RARA: variants seen among roughly 807,000 people sequenced by gnomAD.
RARA encodes PML-DDX5-RARA fusion.
In RARA, 5 loss-of-function variants were observed where a neutral mutation model predicts 42.8. The observed-to-expected ratio is 0.12, with a 90% CI of 0.06 to 0.25. The LOEUF is 0.25. Ranked by LOEUF, RARA falls within the 10% of genes least tolerant of loss-of-function variation. RARA has a pLI of 1.00. For synonymous variants in RARA, 256 were observed against 259.5 expected (o/e 0.99, Z 0.13); for missense variants, 402 against 628.7 (o/e 0.64, Z 3.86).
In RARA at chr17:40,355,441, AG is replaced by A. The variant is rs1359273114; in HGVS notation, c.1171+24del. Reference sequence around the variant, plus strand: ...CCAAGGGTGAGGCTCACAGACCTGGAGGGGTACCGGCCCCCGACACCTGGCC... The same window carrying A: ...CCAAGGGTGAGGCTCACAGACCTGGAGGGTACCGGCCCCCGACACCTGGCC... On this transcript the variant is annotated intron_variant, in intron 8 of 8. Transcript: ENST00000254066. This position sits in a 1 kb window ranked among gnomAD's most constrained non-coding sequence, Gnocchi z 4.1. The A allele has an allele frequency of 1.2e-6, 2 of 1,602,984 alleles. No individual in the cohort carries two copies. Among genetic ancestry groups the A allele is most frequent in the African/African-American group, 2.7e-5 (2 of 74,822 alleles).
In RARA at chr17:40,352,058, C is replaced by T; in HGVS notation, c.618C>T (p.Gly206=). ...QETFPALCQL[G]KYTTNNSSEQ... is the part of the protein sequence containing the mutation. The stretch of plus-strand genomic sequence containing the variant: ...CCTTCCCTGCCCTCTGCCAGCTGGG[C>T]AAATACACTACGGTATGGCTTTCCC... Residue 206 remains glycine (G), a synonymous_variant, in exon 5 of 9, where the codon GGC becomes GGT. Coordinates refer to ENST00000254066, the MANE Select transcript of RARA (RefSeq NM_000964.4). The surrounding 1 kb of genome is among the most constrained non-coding windows in gnomAD (Gnocchi z 4.9). 1.3e-6 allele frequency: 2 copies of T among 1,576,376 alleles called. No homozygotes were observed. Among genetic ancestry groups the T allele is most frequent in the East Asian group, 2.3e-5 (1 of 44,124 alleles).
rs1415948330 is a variant in RARA, at chr17:40,351,020, GCTCTGTGCCC to G, written c.470-888_470-879del. Among the ~76,000 whole-genome samples, 1 of 151,510 alleles carries G rather than the reference GCTCTGTGCCC, an allele frequency of 6.6e-6. No homozygotes were observed. Among genetic ancestry groups the G allele is most frequent in the Non-Finnish European group, 1.5e-5 (1 of 67,886 alleles). ...ACCGCCAACTCCCCCTCTCCCGGCT[GCTCTGTGCCC>G]CGGAGCTGAGCAGCTGCCATTTCAA... On this transcript the variant is annotated intron_variant, in intron 4 of 8. Transcript: ENST00000254066. The surrounding 1 kb of genome is among the most constrained non-coding windows in gnomAD (Gnocchi z 4.1).
chr17:40,338,279 T>C (rs1448558112), intron 2 of RARA, among the ~76,000 whole-genome samples: 1 of 152,198 alleles, frequency 6.6e-6, no homozygotes, highest in African/African-American at 2.4e-5. Flanking sequence ...CTAAGTCATT[T>C]TGGGGCAGTG....
Position 40,355,304 on chromosome 17 carries a change from C to T in RARA, c.1054C>T (p.Gln352Ter). ...LEQPDRVDMLQEPLLEALKVY... is the reference protein window; with the variant it reads ...LEQPDRVDML ...GCAGCCGGACCGGGTGGACATGCTG[C>T]AGGAGCCGCTGCTGGAGGCGCTAAA... is the stretch of plus-strand genomic sequence containing the variant. Residue 352 changes from glutamine (Q) to a stop codon, truncating the protein, a stop_gained, in exon 8 of 9, where the codon CAG (glutamine) becomes TAG (stop). Coordinates refer to ENST00000254066, the MANE Select transcript of RARA (RefSeq NM_000964.4). LOFTEE classifies it high-confidence loss of function. This position sits in a 1 kb window ranked among gnomAD's most constrained non-coding sequence, Gnocchi z 4.1. The T allele has an allele frequency of 1.2e-6, 2 of 1,602,322 alleles. No homozygotes were observed. The highest frequency in any genetic ancestry group is 1.7e-6 in the Non-Finnish European group (2 of 1,174,290).
At chr17:40,318,549 C>G (rs1371781173) in intron 1 of RARA, 1 of 152,236 alleles carries the variant, frequency 6.6e-6, no homozygotes, top group Non-Finnish European at 1.5e-5. Flanking sequence ...GACTGGGTAC[C>G]GGGAGGCTTC....
intron 1 of RARA, among the ~76,000 whole-genome samples, chr17:40,321,362 C>T (rs937471166): frequency 5.3e-5 from 8 of 151,946 alleles, no homozygotes; most frequent in East Asian, 3.9e-4. Flanking sequence ...TAGCTGGGAC[C>T]GCCTGCTTGC....
In RARA at chr17:40,348,341, T is replaced by G; in HGVS notation, c.204T>G (p.Ser68=). 3 of 1,609,984 alleles carry G rather than the reference T, an allele frequency of 1.9e-6. No homozygotes were observed. The highest frequency in any genetic ancestry group is 2.5e-6 in the Non-Finnish European group (3 of 1,177,960). ...CCATTGAGACCCAGAGCAGCAGTTC[T>G]GAAGAGATAGTGCCCAGCCCTCCCT... ...PATIETQSSS[S]EEIVPSPPSP... is the part of the protein sequence containing the mutation. Residue 68 remains serine (S), a synonymous_variant, in exon 3 of 9, where the codon TCT becomes TCG. Transcript: ENST00000254066.
intron 2 of RARA, chr17:40,342,414 C>T (rs2034093556): frequency 5.1e-6 from 6 of 1,173,496 alleles, no homozygotes; most frequent in South Asian, 2.7e-5. Flanking sequence ...GGAGTCCCCT[C>T]GAGGTGAAGC....
Position 40,356,718 on chromosome 17 carries a change from T to C in RARA, c.*492T>C. The C allele has an allele frequency of 1.9e-6, 1 of 536,586 alleles. No homozygotes were observed. The highest frequency in any genetic ancestry group is 3.6e-6 in the Non-Finnish European group (1 of 278,928). The allele number at this position is 536,586 out of a possible 1,614,324, so 33.2% of individuals were successfully genotyped here. On this transcript the variant is annotated 3_prime_UTR_variant, in exon 9 of 9. Transcript: ENST00000254066. ...CATACCCTGCCATACCAACCCCAGG[T>C]ATTAATTCTCGCTGGTTTTGTTTTT...
chr17:40,351,833 GCTCT>G lies in RARA; in HGVS notation c.470-74_470-71del. ...TGGGTGACCTCCTCAGCAGCTGGCA[GCTCT>G]CTGTCAGGCTGGGGGTGGACGAGGC... On this transcript the variant is annotated intron_variant, in intron 4 of 8. Coordinates refer to ENST00000254066, the MANE Select transcript of RARA (RefSeq NM_000964.4). The surrounding 1 kb of genome is among the most constrained non-coding windows in gnomAD (Gnocchi z 4.1). 6.5e-7 allele frequency: 1 copy of G among 1,546,544 alleles called. No individual in the cohort carries two copies. The highest frequency in any genetic ancestry group is 8.7e-7 in the Non-Finnish European group (1 of 1,152,426).
chr17:40,350,206 G>A (rs186956796), intron 4 of RARA: 7,104 of 441,394 alleles, frequency 0.016, 82 homozygotes, highest in Non-Finnish European at 0.022. Flanking sequence ...GTATGTGTGT[G>A]TGTGTGCATG....
At chr17:40,332,349 G>C (rs931109913) in intron 2 of RARA, among the ~76,000 whole-genome samples, 1 of 152,156 alleles carries the variant, frequency 6.6e-6, no homozygotes, top group African/African-American at 2.4e-5. Context: ...CTGCTGACCT[G>C]GGAAACGTGT....
chr17:40,351,970 G>A lies in RARA; in HGVS notation c.530G>A (p.Ser177Asn). Residue 177 changes from serine (S) to asparagine (N), a missense_variant, in exon 5 of 9, where the codon AGC becomes AAC. Physicochemically the swap from Ser to Asn is conservative, Grantham distance 46. Around this residue, in one of 5 missense-constraint regions of RARA, gnomAD observed 130 missense variants for 267.9 expected, o/e 0.49. Coordinates refer to ENST00000254066, the MANE Select transcript of RARA (RefSeq NM_000964.4). This position sits in a 1 kb window ranked among gnomAD's most constrained non-coding sequence, Gnocchi z 4.1. The part of the protein sequence containing the change: ...KEVPKPECSE[S>N]YTLTPEVGEL... The stretch of plus-strand genomic sequence containing the variant: ...GTGCCCAAGCCCGAGTGCTCTGAGA[G>A]CTACACGCTGACGCCGGAGGTGGGG... 1 of 1,609,296 alleles carries A rather than the reference G, an allele frequency of 6.2e-7. No homozygotes were observed. Among genetic ancestry groups the A allele is most frequent in the African/African-American group, 1.3e-5 (1 of 74,600 alleles).
intron 1 of RARA, among the ~76,000 whole-genome samples, chr17:40,317,107 C>T (rs2033231198): frequency 6.6e-6 from 1 of 152,252 alleles, no homozygotes; most frequent in Non-Finnish European, 1.5e-5. Flanking sequence ...ACTCTCTTTC[C>T]TTGTTTGTAA....
rs570869295 is a variant in RARA at position 40,326,082 on chromosome 17, C to A, written c.-362-4775C>A. 5.8e-4 allele frequency among the ~76,000 whole-genome samples: 88 copies of A among 152,346 alleles called. No homozygotes were observed. The highest frequency in any genetic ancestry group is 9.0e-4 in the Non-Finnish European group (61 of 68,028). On this transcript the variant is annotated intron_variant, in intron 1 of 8. Coordinates refer to ENST00000254066, the MANE Select transcript of RARA (RefSeq NM_000964.4). The surrounding 1 kb of genome is among the most constrained non-coding windows in gnomAD (Gnocchi z 5.2). ...AATATCCCTTTCCCCACATCCCTCT[C>A]CTCCATCCGAGGGAAGCAGACCCTG...
At chr17:40,344,956 G>A (rs1341675984) in intron 2 of RARA, among the ~76,000 whole-genome samples, 1 of 152,202 alleles carries the variant, frequency 6.6e-6, no homozygotes, top group Non-Finnish European at 1.5e-5. Flanking sequence ...GCCCCCTCTT[G>A]GGGAATTCTC....
Position 40,345,583 on chromosome 17 carries a change from G to A in RARA, c.179-2733G>A, listed in dbSNP as rs2034238127. Among the ~76,000 whole-genome samples, 1 of 151,628 alleles carries A rather than the reference G, an allele frequency of 6.6e-6. No homozygotes were observed. The highest frequency in any genetic ancestry group is 2.1e-4 in the South Asian group (1 of 4,834). On this transcript the variant is annotated intron_variant, in intron 2 of 8. Transcript: ENST00000254066. The surrounding 1 kb of genome is among the most constrained non-coding windows in gnomAD (Gnocchi z 4.8). ...GCACCCTGGCAGCGTCGGCGGGAGG[G>A]GACGCCTGGCTTCCTGGGTCAGTTC... is the stretch of plus-strand genomic sequence containing the variant.
rs185321381 is a variant in RARA at position 40,337,729 on chromosome 17, G to C, written c.178+6333G>C. Among the ~76,000 whole-genome samples, 7 of 152,378 alleles carry C rather than the reference G, an allele frequency of 4.6e-5. No homozygotes were observed. The East Asian group carries it at 5.8e-4, about 13-fold the overall frequency. On this transcript the variant is annotated intron_variant, in intron 2 of 8. Transcript: ENST00000254066. ...GCTGCATGTTTGCTTCGTGTGCCTA[G>C]AGACTGGGGAATGCCCGAGGGTCTG...
chr17:40,329,047 C>T (rs1255755321), intron 1 of RARA, among the ~76,000 whole-genome samples: 1 of 152,150 alleles, frequency 6.6e-6, no homozygotes, highest in African/African-American at 2.4e-5. Flanking sequence ...TATGAGGATT[C>T]CAATTTCTCC....
Sources: allele counts gnomAD v4.1 joint callset (sites outside exome capture counted in the v4.1 genomes callset), GRCh38; gene constraint gnomAD v4.1.1; regional missense constraint gnomAD v4.1.1; non-coding constraint Gnocchi (gnomAD v3.1); transcripts MANE v1.5; gene names NCBI Gene and HGNC (gene_info 2026-07-23, HGNC 2026-07-21).